MSH6: variants seen among roughly 807,000 people sequenced by gnomAD.
MSH6 encodes DNA mismatch repair protein Msh6.
MSH6 carries 85 observed loss-of-function variants against 119.1 expected under a neutral mutation model. That is an observed-to-expected ratio of 0.71 (90% CI 0.60 to 0.85). The LOEUF (loss-of-function observed/expected upper bound fraction) is 0.85, where lower values mean the gene tolerates loss of function less well. MSH6 is among the 40% of genes least tolerant of loss of function. MSH6 has a pLI of 0.00. For missense variants in MSH6, 2,163 were observed against 1,655.3 expected, an observed-to-expected ratio of 1.31 and a Z score of -5.32; for synonymous variants, 830 against 586.9, an observed-to-expected ratio of 1.41 and a Z score of -5.99.
chr2:47,784,147 G>T, intron 1 of MSH6: 24 of 996,126 alleles, frequency 2.4e-5, no homozygotes, highest in Non-Finnish European at 2.9e-5. Context: ...CTGCGAGCGC[G>T]GGGGGGTGTG....
chr2:47,803,993 T>G (rs2104491634), intron 5 of MSH6, among the ~76,000 whole-genome samples: 1 of 152,334 alleles, frequency 6.6e-6, no homozygotes, highest in Admixed American at 6.5e-5. Flanking sequence ...ATACAAAGGC[T>G]GTATGAAAAG....
At chr2:47,808,131 A>C, downstream of MSH6, 1 of 1,610,290 alleles carries the variant, frequency 6.2e-7, no homozygotes, top group Non-Finnish European at 8.5e-7. Context: ...GTTGTGCTGC[A>C]ATGTATTAGA....
intron 5 of MSH6, 89 bp downstream of exon 5, chr2:47,803,774 C>A (rs2104489369): frequency 3.3e-6 from 5 of 1,505,664 alleles, no homozygotes; most frequent in South Asian, 2.3e-5. Context: ...AACACAGTTA[C>A]ATAAAAGTCA....
chr2:47,802,925 G>A (rs1008842607), intron 4 of MSH6, among the ~76,000 whole-genome samples: 7 of 151,930 alleles, frequency 4.6e-5, no homozygotes, highest in African/African-American at 1.7e-4. Flanking sequence ...GTTTTGTTTT[G>A]TTTTTTGAGA....
In MSH6 at chr2:47,806,927, C is replaced by G; in HGVS notation, c.*67C>G. ...TGGTAAATTCAGACAACATTATGAT[C>G]TAATAAACTTTATTTTTTAAAAATG... On this transcript the variant is annotated 3_prime_UTR_variant, in exon 10 of 10. Coordinates refer to ENST00000234420, the MANE Select transcript of MSH6 (RefSeq NM_000179.3). 1 of 1,168,126 alleles carries G rather than the reference C, an allele frequency of 8.6e-7. No individual in the cohort carries two copies. The highest frequency in any genetic ancestry group is 1.3e-6 in the Non-Finnish European group (1 of 787,728). 72.4% of individuals were successfully genotyped at this position (1,168,126 alleles called of 1,614,324 possible). A position where few individuals can be genotyped will look rare whatever the true frequency, so the allele number is the denominator to read the frequency against.
At chr2:47,788,570 C>CTTTTTTTTTTTT (rs531963943) in intron 1 of MSH6, among the ~76,000 whole-genome samples, 105 of 104,696 alleles carry the variant, frequency 1.0e-3, no homozygotes, top group Non-Finnish European at 1.2e-3. Context: ...TTTTCTTTTT[C>CTTTTTTTTTTTT]TTTTTTTTTT....
At chr2:47,784,248 C>T (rs763720325) in intron 1 of MSH6, 1 of 998,518 alleles carries the variant, frequency 1.0e-6, no homozygotes, top group Non-Finnish European at 1.2e-6. Context: ...GGTAGGTAGG[C>T]TGCACGTGCA....
In MSH6 at chr2:47,799,776, A is replaced by G. The variant is rs587779919; in HGVS notation, c.1793A>G (p.Lys598Arg). 1 of 1,614,216 alleles carries G rather than the reference A, an allele frequency of 6.2e-7. No homozygotes were observed. Among genetic ancestry groups the G allele is most frequent in the Non-Finnish European group, 8.5e-7 (1 of 1,180,022 alleles). ...HYPPVQVLFE[K>R]GNLSKETKTI... ...CCCCCAGTACAAGTTTTATTTGAAAAAGGAAATCTCTCAAAGGAAACTAAA... is the reference window on the plus strand; with the variant it reads ...CCCCCAGTACAAGTTTTATTTGAAAGAGGAAATCTCTCAAAGGAAACTAAA... The change falls in exon 4 of 10, where the codon AAA becomes AGA. Residue 598 changes from lysine (K) to arginine (R), a missense_variant. By Grantham distance (26) the Lys-to-Arg change is conservative (BLOSUM62 2). Transcript: ENST00000234420.
At chr2:47,790,763 T>A (rs916516982) in intron 1 of MSH6, among the ~76,000 whole-genome samples, 164 bp from the exon 2 acceptor site, 2 of 152,366 alleles carry the variant, frequency 1.3e-5, no homozygotes, top group Admixed American at 1.3e-4. Flanking sequence ...TCAGCTTGCA[T>A]ACATTTTTTA....
intron 4 of MSH6, among the ~76,000 whole-genome samples, chr2:47,801,736 A>G (rs1669610985): frequency 6.6e-6 from 1 of 152,140 alleles, no homozygotes; most frequent in Non-Finnish European, 1.5e-5. Context: ...TCTGTTACCC[A>G]GGACAGACCT....
rs1114167743 is a variant in MSH6, at chr2:47,806,500, A to G, written c.3850A>G (p.Thr1284Ala). The G allele has an allele frequency of 6.2e-7, 1 of 1,614,118 alleles. No homozygotes were observed. The highest frequency in any genetic ancestry group is 8.5e-7 in the Non-Finnish European group (1 of 1,180,006). The change falls in exon 9 of 10, where the codon ACG (threonine) becomes GCG (alanine). Residue 1284 changes from threonine (T) to alanine (A), a missense_variant. Transcript: ENST00000234420. ...ECEDPSQETI[T>A]FLYKFIKGAC... ...TGAAGACCCCAGCCAGGAGACTATT[A>G]CGTTCCTCTATAAATTCATTAAGGG...
In MSH6 at chr2:47,800,702, G is replaced by A. The variant is rs1558666445; in HGVS notation, c.2719G>A (p.Val907Ile). ...TGAAGGTCGTTTTCCTGATTTGACTGTAGAATTGAACCGATGGGATACAGC... is the reference window on the plus strand; with the variant it reads ...TGAAGGTCGTTTTCCTGATTTGACTATAGAATTGAACCGATGGGATACAGC... ...NPEGRFPDLT[V>I]ELNRWDTAFD... The change falls in exon 4 of 10, where the codon GTA (valine) becomes ATA (isoleucine). Residue 907 changes from valine to isoleucine, a missense_variant. Transcript: ENST00000234420. 3 of 1,614,200 alleles carry A rather than the reference G, an allele frequency of 1.9e-6. No individual in the cohort carries two copies. The highest frequency in any genetic ancestry group is 1.7e-6 in the Non-Finnish European group (2 of 1,180,040).
chr2:47,784,079 C>T (rs565847733), intron 1 of MSH6: 1 of 1,008,272 alleles, frequency 9.9e-7, no homozygotes, highest in South Asian at 4.7e-5. Context: ...GCCGAGACGC[C>T]TTGGGGACGG....
intron 1 of MSH6, chr2:47,784,238 G>A (rs1178669549): frequency 2.0e-6 from 2 of 1,000,770 alleles, no homozygotes; most frequent in Non-Finnish European, 1.2e-6. Context: ...TGGGTCCTTC[G>A]GTAGGTAGGC....
chr2:47,788,246 C>CTTTTTTTTTTTTTTTTTTTTTTTTTTTTT (rs560110301), intron 1 of MSH6, among the ~76,000 whole-genome samples: 4 of 90,052 alleles, frequency 4.4e-5, no homozygotes, highest in African/African-American at 9.7e-5. Context: ...TTCTTTCTTT[C>CTTTTTTTTTTTTTTTTTTTTTTTTTTTTT]TTTTTTTTTT....
rs587779317 is a variant in MSH6 at position 47,798,663 on chromosome 2, G to A, written c.680G>A (p.Ser227Asn). The A allele has an allele frequency of 5.0e-6, 8 of 1,613,580 alleles. No individual in the cohort carries two copies. The highest frequency in any genetic ancestry group is 1.3e-5 in the African/African-American group (1 of 75,052). ...DKSEEDNEIESEEEVQPKTQG... is the reference protein window; with the variant it reads ...DKSEEDNEIENEEEVQPKTQG... ...AGTGAAGAAGATAATGAAATTGAGAGTGAAGAGGAAGTACAGCCTAAGACA... is the reference window on the plus strand; with the variant it reads ...AGTGAAGAAGATAATGAAATTGAGAATGAAGAGGAAGTACAGCCTAAGACA... Residue 227 changes from serine to asparagine, a missense_variant, in exon 4 of 10, where the codon AGT becomes AAT. Coordinates refer to ENST00000234420, the MANE Select transcript of MSH6 (RefSeq NM_000179.3).
At position 47,800,872 on chromosome 2, in the gene MSH6, C is replaced by T. The variant is rs771726914; in HGVS notation, c.2889C>T (p.Gly963=). The change falls in exon 4 of 10, where the codon GGC becomes GGT. Residue 963 remains glycine, a synonymous_variant. Coordinates refer to ENST00000234420, the MANE Select transcript of MSH6 (RefSeq NM_000179.3). ...TAGAGAAACAGCGCAACAGAATTGG[C>T]TGTAGGACCATAGTCTATTGGGGGA... ...EYLEKQRNRI[G]CRTIVYWGIG... is the part of the protein sequence containing the mutation. The T allele has an allele frequency of 1.9e-6, 3 of 1,613,258 alleles. 1 individual carries two copies. In the East Asian group the frequency reaches 6.7e-5, roughly 36 times the overall value.
At position 47,803,385 on chromosome 2, in the gene MSH6, C is replaced by T. The variant is rs186475107; in HGVS notation, c.3173-35C>T. 302 of 1,614,006 alleles carry T rather than the reference C, an allele frequency of 1.9e-4. 2 individuals are homozygous for T. The African/African-American group carries it at 3.3e-3, about 18-fold the overall frequency. On this transcript the variant is annotated intron_variant, in intron 4 of 9. Coordinates refer to ENST00000234420, the MANE Select transcript of MSH6 (RefSeq NM_000179.3). ...CACTTAGGCTGATAAAACCCCCAAA[C>T]GATGAAGCCTCACTTTTACCCTCTC...
chr2:47,806,281 C>A lies in MSH6; in HGVS notation c.3724C>A (p.Arg1242Ser), dbSNP rs587779285. The change falls in exon 8 of 10, where the codon CGT (arginine) becomes AGT (serine). Residue 1242 changes from arginine (R) to serine (S), a missense_variant. By Grantham distance (110) the Arg-to-Ser change is moderately radical. Coordinates refer to ENST00000234420, the MANE Select transcript of MSH6 (RefSeq NM_000179.3). Reference protein sequence around the residue: ...VKELAETIKCRTLFSTHYHSL... With the variant: ...VKELAETIKCSTLFSTHYHSL... ...AGAACTTGCTGAGACTATAAAATGT[C>A]GTACATTATTTTCAACTCACTACCA... 2 of 1,613,754 alleles carry A rather than the reference C, an allele frequency of 1.2e-6. No homozygotes were observed. Among genetic ancestry groups the A allele is most frequent in the Non-Finnish European group, 1.7e-6 (2 of 1,179,812 alleles).
Sources: gnomAD v4.1 joint callset for allele counts (sites outside exome capture counted in the v4.1 genomes callset) on GRCh38, gnomAD v4.1.1 for gene constraint, MANE v1.5 for transcripts, NCBI Gene and HGNC (gene_info 2026-07-23, HGNC 2026-07-21) for gene names.